LRRC14B: variants seen among roughly 807,000 people sequenced by gnomAD.
The protein encoded by LRRC14B is leucine rich repeat containing 14B.
LRRC14B carries 23 observed loss-of-function variants against 16.9 expected under a neutral mutation model. That is an observed-to-expected ratio of 1.36 (90% CI 0.98 to 1.92). LRRC14B has a LOEUF of 1.92. Ranked by LOEUF, LRRC14B falls within the 30% of genes most tolerant of loss-of-function variation. The pLI is 0.00. For synonymous variants in LRRC14B, 358 were observed against 332.5 expected, an observed-to-expected ratio of 1.08 and a Z score of -0.83; for missense variants, 766 against 705.7, an observed-to-expected ratio of 1.09 and a Z score of -0.97.
chr5:192,334 C>A lies in LRRC14B; in HGVS notation c.796C>A (p.Pro266Thr), dbSNP rs759361941. The change falls in exon 1 of 2, where the codon CCC becomes ACC. Residue 266 changes from proline to threonine, a missense_variant. Pro to Thr is a conservative substitution (Grantham distance 38, BLOSUM62 -1). Transcript: ENST00000328278. ...TYASTPDGED[P>T]LLASIARELS... ...CGCCTCCACTCCCGACGGCGAGGAC[C>A]CCCTCCTCGCCTCCATCGCCCGGGA... is the stretch of plus-strand genomic sequence containing the variant. 3.8e-6 allele frequency: 6 copies of A among 1,596,970 alleles called. No individual in the cohort carries two copies. In the South Asian group the frequency reaches 6.8e-5, roughly 18 times the overall value.
intron 1 of LRRC14B, among the ~76,000 whole-genome samples, chr5:193,345 G>GA (rs1193019046): frequency 9.0e-5 from 13 of 144,934 alleles, no homozygotes; most frequent in African/African-American, 3.3e-4. Flanking sequence ...GGTCTAGGGG[G>GA]AAGGGGTGCC....
intron 1 of LRRC14B, 89 bp from the exon 2 acceptor site, chr5:194,618 TG>T: frequency 7.7e-7 from 1 of 1,291,116 alleles, no homozygotes; most frequent in Non-Finnish European, 1.1e-6. Context: ...GACCCCATGA[TG>T]GACAAATGGG....
rs1560967704 is a variant in LRRC14B, at chr5:191,837, A to T, written c.299A>T (p.Gln100Leu). 23 of 1,527,990 alleles carry T rather than the reference A, an allele frequency of 1.5e-5. No homozygotes were observed. The highest frequency in any genetic ancestry group is 1.9e-5 in the Non-Finnish European group (22 of 1,142,982). 94.7% of individuals were successfully genotyped at this position (1,527,990 alleles called of 1,614,324 possible). ...LVRGLADHVL[Q>L]DRSRRRLRVA... is the part of the protein sequence containing the mutation. The stretch of plus-strand genomic sequence containing the variant: ...CGCGGCCTCGCGGACCACGTGCTGC[A>T]GGACCGGAGCCGCCGGCGGCTGCGG... Residue 100 changes from glutamine (Q) to leucine (L), a missense_variant, in exon 1 of 2, where the codon CAG becomes CTG. Transcript: ENST00000328278.
At position 191,908 on chromosome 5, in the gene LRRC14B, C is replaced by A; in HGVS notation, c.370C>A (p.Pro124Thr). Residue 124 changes from proline to threonine, a missense_variant, in exon 1 of 2, where the codon CCG becomes ACG. By Grantham distance (38) the Pro-to-Thr change is conservative. Transcript: ENST00000328278. ...CCGAGATGTGCAGGTGCAGCGGTGC[C>A]CGTGCGGGAGGGCGCTGGGCAGGTG... ...GIRDVQVQRC[P>T]CGRALGRWGR... 6.6e-7 allele frequency: 1 copy of A among 1,509,284 alleles called. No individual in the cohort carries two copies. Among genetic ancestry groups the A allele is most frequent in the Non-Finnish European group, 8.8e-7 (1 of 1,133,292 alleles). The allele number at this position is 1,509,284 out of a possible 1,614,324, so 93.5% of individuals were successfully genotyped here.
chr5:191,985 C>T lies in LRRC14B; in HGVS notation c.447C>T (p.Pro149=). The change falls in exon 1 of 2, where the codon CCC becomes CCT. Residue 149 remains proline (P), a synonymous_variant. Coordinates refer to ENST00000328278, the MANE Select transcript of LRRC14B (RefSeq NM_001080478.3). ...CCTGCTGTGAGCTGCAGGCAGAGCC[C>T]CTCGCAGCCGGGCGCCCCGTCGAGG... ...ARTCCELQAE[P]LAAGRPVEVL... is the part of the protein sequence containing the mutation. 1 of 1,532,624 alleles carries T rather than the reference C, an allele frequency of 6.5e-7. No homozygotes were observed. Among genetic ancestry groups the T allele is most frequent in the Non-Finnish European group, 8.7e-7 (1 of 1,145,296 alleles). 94.9% of individuals were successfully genotyped at this position (1,532,624 alleles called of 1,614,324 possible).
chr5:194,993 C>A lies in LRRC14B; in HGVS notation c.1185C>A (p.Phe395Leu). The stretch of plus-strand genomic sequence containing the variant: ...GCCACCGGCTGCGCCAGCTCAAGTT[C>A]CTCGGGAACCCGCTGTCGGCCCGCG... ...SPCHRLRQLK[F>L]LGNPLSARAL... The change falls in exon 2 of 2, where the codon TTC becomes TTA. Residue 395 changes from phenylalanine (F) to leucine (L), a missense_variant. Physicochemically the swap from Phe to Leu is conservative, Grantham distance 22. Transcript: ENST00000328278. 6.2e-7 allele frequency: 1 copy of A among 1,613,426 alleles called. No individual in the cohort carries two copies. Among genetic ancestry groups the A allele is most frequent in the South Asian group, 1.1e-5 (1 of 91,082 alleles).
Position 194,776 on chromosome 5 carries a change from TC to T in LRRC14B, c.969del (p.Leu324TrpfsTer39). On this transcript the variant is annotated frameshift_variant, in exon 2 of 2. Coordinates refer to ENST00000328278, the MANE Select transcript of LRRC14B (RefSeq NM_001080478.3). LOFTEE classifies it low-confidence loss of function (END_TRUNC). ...GCCCTGAACCACACGGACATGGCCTTCTTGGCAGACTGTGCCCACGCTGCCC... is the reference window on the plus strand; with the variant it reads ...GCCCTGAACCACACGGACATGGCCTTTTGGCAGACTGTGCCCACGCTGCCC... ...NCALNHTDMA[F>X]LADCAHAAHL... 1 of 1,613,454 alleles carries T rather than the reference TC, an allele frequency of 6.2e-7. No individual in the cohort carries two copies. Among genetic ancestry groups the T allele is most frequent in the Non-Finnish European group, 8.5e-7 (1 of 1,179,682 alleles).
At position 194,875 on chromosome 5, in the gene LRRC14B, G is replaced by C. The variant is rs765940728; in HGVS notation, c.1067G>C (p.Ser356Thr). The C allele has an allele frequency of 1.9e-6, 3 of 1,595,326 alleles. No homozygotes were observed. In the East Asian group the frequency reaches 6.9e-5, roughly 36 times the overall value. Residue 356 changes from serine (S) to threonine (T), a missense_variant, in exon 2 of 2, where the codon AGC becomes ACC. Transcript: ENST00000328278. ...LYPSTFFRLL[S>T]QASRTLRILT... ...CCCTCGACCTTCTTCAGGCTGCTCA[G>C]CCAGGCTTCCCGGACGCTGAGGATC...
Position 194,813 on chromosome 5 carries a change from GC to G in LRRC14B, c.1006del (p.Leu336TrpfsTer27). Reference protein sequence around the residue: ...DCAHAAHLEVLDLSGHNLVSL... With the variant: ...DCAHAAHLEVXDLSGHNLVSL... ...GTGCCCACGCTGCCCACCTGGAGGT[GC>G]TGGACCTCAGTGGACACAACCTGGT... On this transcript the variant is annotated frameshift_variant, in exon 2 of 2. Transcript: ENST00000328278. LOFTEE classifies it low-confidence loss of function (END_TRUNC). 6.2e-7 allele frequency: 1 copy of G among 1,607,146 alleles called. No homozygotes were observed. Among genetic ancestry groups the G allele is most frequent in the Non-Finnish European group, 8.5e-7 (1 of 1,176,786 alleles).
At position 191,515 on chromosome 5, in the gene LRRC14B, T is replaced by A. The variant is rs1733787660; in HGVS notation, c.-24T>A. 2 of 1,580,288 alleles carry A rather than the reference T, an allele frequency of 1.3e-6. No homozygotes were observed. The highest frequency in any genetic ancestry group is 1.7e-6 in the Non-Finnish European group (2 of 1,158,248). ...AGGGCACACGCCTTGGGGAAAGTCG[T>A]GGGGAGCGGTCCTGTCTCGGGCCAT... On this transcript the variant is annotated 5_prime_UTR_variant, in exon 1 of 2. Transcript: ENST00000328278.
At chr5:194,469 G>A (rs1176648302) in intron 1 of LRRC14B, among the ~76,000 whole-genome samples, 2 of 152,274 alleles carry the variant, frequency 1.3e-5, no homozygotes, top group South Asian at 2.1e-4. Context: ...GTTGTGCTCT[G>A]GTAAAATGTT....
Position 193,252 on chromosome 5 carries a change from G to A in LRRC14B, c.899+815G>A, listed in dbSNP as rs375977153. Among the ~76,000 whole-genome samples the A allele has an allele frequency of 1.7e-3, 263 of 150,536 alleles. 1 individual carries two copies. Among genetic ancestry groups the A allele is most frequent in the Admixed American group, 5.7e-3 (87 of 15,172 alleles). ...GCTGGCGGTGGGTATTGGGGTCACCGGGTGATGGGTCCTGGTGGGGCAACC... is the reference window on the plus strand; with the variant it reads ...GCTGGCGGTGGGTATTGGGGTCACCAGGTGATGGGTCCTGGTGGGGCAACC... On this transcript the variant is annotated intron_variant, in intron 1 of 1. Coordinates refer to ENST00000328278, the MANE Select transcript of LRRC14B (RefSeq NM_001080478.3).
rs1433290677 is a variant in LRRC14B at position 195,884 on chromosome 5, C to T, written c.*531C>T. On this transcript the variant is annotated 3_prime_UTR_variant, in exon 2 of 2. Transcript: ENST00000328278. ...TGCTTCCTCCAGCAGGAGGCTCCCACCCACTGCTGGTCACAACCCGCTGTC... is the reference window on the plus strand; with the variant it reads ...TGCTTCCTCCAGCAGGAGGCTCCCATCCACTGCTGGTCACAACCCGCTGTC... 1.2e-5 allele frequency: 2 copies of T among 162,328 alleles called. No homozygotes were observed. The highest frequency in any genetic ancestry group is 4.8e-5 in the African/African-American group (2 of 41,480). The allele number at this position is 162,328 out of a possible 1,614,324, so 10.1% of individuals were successfully genotyped here. A position where few individuals can be genotyped will look rare whatever the true frequency, so the allele number is the denominator to read the frequency against.
At chr5:194,163 C>G (rs935022994) in intron 1 of LRRC14B, among the ~76,000 whole-genome samples, 1 of 148,448 alleles carries the variant, frequency 6.7e-6, no homozygotes, top group East Asian at 2.0e-4. Flanking sequence ...TGTGGTCTCA[C>G]TGCCCCCCGC....
chr5:195,118 C>T lies in LRRC14B; in HGVS notation c.1310C>T (p.Pro437Leu). The T allele has an allele frequency of 6.2e-7, 1 of 1,613,998 alleles. No individual in the cohort carries two copies. Among genetic ancestry groups the T allele is most frequent in the Non-Finnish European group, 8.5e-7 (1 of 1,179,906 alleles). The change falls in exon 2 of 2, where the codon CCA (proline) becomes CTA (leucine). Residue 437 changes from proline to leucine, a missense_variant. Physicochemically the swap from Pro to Leu is moderately conservative, Grantham distance 98. Transcript: ENST00000328278. ...TGCTACCCCGAGGGTGCCGCCTACC[C>T]ACAGGACGAGCTGGCCATGTCCAAG... ...KDCYPEGAAY[P>L]QDELAMSKFN...
Position 191,654 on chromosome 5 carries a change from A to G in LRRC14B, c.116A>G (p.Lys39Arg). 2 of 1,608,598 alleles carry G rather than the reference A, an allele frequency of 1.2e-6. No homozygotes were observed. Among genetic ancestry groups the G allele is most frequent in the Non-Finnish European group, 1.7e-6 (2 of 1,178,008 alleles). The change falls in exon 1 of 2, where the codon AAA (lysine) becomes AGA (arginine). Residue 39 changes from lysine to arginine, a missense_variant. Physicochemically the swap from Lys to Arg is conservative, Grantham distance 26. Transcript: ENST00000328278. ...CACAACCTCTACCCACTCCTGTTCA[A>G]AGCCAGCTACCTGCTGGAGCAGGCG... is the stretch of plus-strand genomic sequence containing the variant. ...VAHNLYPLLF[K>R]ASYLLEQAEV...
rs762633862 is a variant in LRRC14B at position 194,868 on chromosome 5, C to T, written c.1060C>T (p.Leu354=). The T allele has an allele frequency of 1.9e-6, 3 of 1,594,376 alleles. No individual in the cohort carries two copies. The East Asian group carries it at 6.9e-5, about 36-fold the overall frequency. ...CCTGTACCCCTCGACCTTCTTCAGG[C>T]TGCTCAGCCAGGCTTCCCGGACGCT... ...VSLYPSTFFR[L]LSQASRTLRI... Residue 354 remains leucine, a synonymous_variant, in exon 2 of 2, where the codon CTG becomes TTG. Coordinates refer to ENST00000328278, the MANE Select transcript of LRRC14B (RefSeq NM_001080478.3).
Position 194,984 on chromosome 5 carries a change from G to T in LRRC14B, c.1176G>T (p.Gln392His). The change falls in exon 2 of 2, where the codon CAG becomes CAT. Residue 392 changes from glutamine (Q) to histidine (H), a missense_variant. Coordinates refer to ENST00000328278, the MANE Select transcript of LRRC14B (RefSeq NM_001080478.3). ...LGLSPCHRLR[Q>H]LKFLGNPLSA... ...TGAGCCCCTGCCACCGGCTGCGCCA[G>T]CTCAAGTTCCTCGGGAACCCGCTGT... 1 of 1,613,446 alleles carries T rather than the reference G, an allele frequency of 6.2e-7. No individual in the cohort carries two copies. The highest frequency in any genetic ancestry group is 8.5e-7 in the Non-Finnish European group (1 of 1,179,868).
chr5:193,760 C>T (rs1200030200), intron 1 of LRRC14B, among the ~76,000 whole-genome samples: 1 of 151,548 alleles, frequency 6.6e-6, no homozygotes, highest in Non-Finnish European at 1.5e-5. Flanking sequence ...GGTCCCAGTC[C>T]TGGGTGGGGA....
Sources: allele counts gnomAD v4.1 joint callset (sites outside exome capture counted in the v4.1 genomes callset), GRCh38; gene constraint gnomAD v4.1.1; transcripts MANE v1.5; gene names NCBI Gene and HGNC (gene_info 2026-07-23, HGNC 2026-07-21).